Variants in TPO observed in about 807,000 individuals in gnomAD.
The protein encoded by TPO is thyroid microsomal antigen.
Under a neutral mutation model 96.9 loss-of-function variants are expected in TPO, and 78 were observed. That is an observed-to-expected ratio of 0.81 (90% CI 0.67 to 0.97). The LOEUF is 0.97. Ranked by LOEUF, TPO falls within the 50% of genes least tolerant of loss-of-function variation. The pLI is 0.00. For missense variants in TPO, 1,252 were observed against 1,274.8 expected, an observed-to-expected ratio of 0.98 and a Z score of 0.27; for synonymous variants, 547 against 538.0, an observed-to-expected ratio of 1.02 and a Z score of -0.23.
chr2:1,492,775 G>A (rs550355251), intron 10 of TPO, among the ~76,000 whole-genome samples: 5 of 152,322 alleles, frequency 3.3e-5, no homozygotes, highest in South Asian at 4.1e-4. Context: ...TGGGCAGGGC[G>A]CTGAGAGTAG....
intron 3 of TPO, among the ~76,000 whole-genome samples, chr2:1,428,154 T>C (rs1029217127): frequency 1.3e-5 from 2 of 152,216 alleles, no homozygotes; most frequent in African/African-American, 4.8e-5. Flanking sequence ...AGCCTGAAAG[T>C]GTCACCTATT....
At position 1,495,989 on chromosome 2, in the gene TPO, G is replaced by A; in HGVS notation, c.2007G>A (p.Trp669Ter). ...TTACTCACTGTCTCCTTCTCTGGAG[G>A]TTTTGGTGGGAGAACAGCCACGTCT... ...KQMKALRDGD[W>*]FWWENSHVFT... The change falls in exon 12 of 17, where the codon TGG becomes TGA. Residue 669 changes from tryptophan (W) to a stop codon, truncating the protein, a stop_gained and splice_region_variant. Coordinates refer to ENST00000329066, the MANE Select transcript of TPO (RefSeq NM_001206744.2). LOFTEE classifies it high-confidence loss of function. 6.2e-7 allele frequency: 1 copy of A among 1,612,274 alleles called. No homozygotes were observed. The highest frequency in any genetic ancestry group is 8.5e-7 in the Non-Finnish European group (1 of 1,179,902).
intron 8 of TPO, among the ~76,000 whole-genome samples, chr2:1,480,559 T>TACACACAC (rs3036105): frequency 0.065 from 2,882 of 44,308 alleles, 269 homozygotes; most frequent in Middle Eastern, 0.15. Context: ...TCAAACCCCC[T>TACACACAC]ACACACACAC....
At chr2:1,436,584 C>T (rs546425589) in intron 5 of TPO, among the ~76,000 whole-genome samples, 200 bp downstream of exon 5, 1 of 152,316 alleles carries the variant, frequency 6.6e-6, no homozygotes, top group South Asian at 2.1e-4. Context: ...TACTGTCATT[C>T]CCAGCCACAA....
At chr2:1,450,402 A>G (rs1354172376) in intron 5 of TPO, among the ~76,000 whole-genome samples, 2 of 151,966 alleles carry the variant, frequency 1.3e-5, no homozygotes, top group Non-Finnish European at 2.9e-5. Flanking sequence ...GGGAAATCAG[A>G]GTGACTCGGA....
chr2:1,536,845 CCCGCCACTGTGTTCAACCTCCCCGAATA>C (rs2125313156), intron 15 of TPO, among the ~76,000 whole-genome samples: 1 of 135,382 alleles, frequency 7.4e-6, no homozygotes, highest in Non-Finnish European at 1.6e-5. Context: ...CTCCCCAAAT[CCCGCCACTGTGTTCAACCTCCCCGAATA>C]CCCACCACTC....
At chr2:1,516,275 G>A (rs552950861) in intron 14 of TPO, among the ~76,000 whole-genome samples, 5 of 152,262 alleles carry the variant, frequency 3.3e-5, no homozygotes, top group African/African-American at 1.2e-4. Flanking sequence ...AACCTTGTTC[G>A]GTTTCTTTCT....
intron 7 of TPO, among the ~76,000 whole-genome samples, chr2:1,465,454 A>C (rs534819406): frequency 6.6e-6 from 1 of 152,074 alleles, no homozygotes; most frequent in East Asian, 1.9e-4. Context: ...TGGTATTTTG[A>C]TGGGAATTGT....
chr2:1,453,609 T>G, intron 5 of TPO, 85 bp from the exon 6 acceptor site: 15 of 1,605,344 alleles, frequency 9.3e-6, no homozygotes, highest in East Asian at 2.2e-5. Context: ...TTATTCTCCC[T>G]GAGAATGGTG....
chr2:1,385,433 C>T (rs886745190), intron 1 of TPO, among the ~76,000 whole-genome samples: 11 of 152,064 alleles, frequency 7.2e-5, no homozygotes, highest in Admixed American at 6.6e-4. Flanking sequence ...CTGGTTTAGT[C>T]TTGGGAGAAT....
intron 7 of TPO, among the ~76,000 whole-genome samples, chr2:1,463,269 G>C (rs1558316356): frequency 6.6e-6 from 1 of 152,152 alleles, no homozygotes; most frequent in Non-Finnish European, 1.5e-5. Flanking sequence ...TTCAGTAGTT[G>C]AGTGATTGAG....
chr2:1,503,233 G>A (rs1294250804), intron 13 of TPO, among the ~76,000 whole-genome samples: 1 of 152,210 alleles, frequency 6.6e-6, no homozygotes, highest in African/African-American at 2.4e-5. Context: ...GCTGCACCCA[G>A]GCCAGCTCTG....
At chr2:1,481,693 G>T (rs1278108846) in intron 8 of TPO, among the ~76,000 whole-genome samples, 1 of 152,212 alleles carries the variant, frequency 6.6e-6, no homozygotes, top group Non-Finnish European at 1.5e-5. Context: ...AGGAGCAGAT[G>T]GATAAAGTCA....
At chr2:1,496,911 G>GGGAGAGCCCTT in intron 13 of TPO, 146 bp downstream of exon 13, 1 of 1,275,958 alleles carries the variant, frequency 7.8e-7, no homozygotes, top group Non-Finnish European at 1.1e-6. Context: ...AGAAAGCAAG[G>GGGAGAGCCCTT]GCTCTCCCCT....
intron 1 of TPO, among the ~76,000 whole-genome samples, chr2:1,396,799 TG>T (rs1662088585): frequency 6.6e-6 from 1 of 152,148 alleles, no homozygotes; most frequent in Non-Finnish European, 1.5e-5. Flanking sequence ...AAGCTATGTG[TG>T]GGCAAATGAA....
rs1558264212 is a variant in TPO, at chr2:1,422,334, T to TGGACTGAC, written c.95-711_95-710insGGACTGAC. On this transcript the variant is annotated intron_variant, in intron 2 of 16. Coordinates refer to ENST00000329066, the MANE Select transcript of TPO (RefSeq NM_001206744.2). ...CCTGGACAGACCTCGTGCAGGCGCC[T>TGGACTGAC]CTCCTGGACCGACCTCGTGCAGGCG... Among the ~76,000 whole-genome samples, 276 of 63,806 alleles carry TGGACTGAC rather than the reference T, an allele frequency of 4.3e-3. 5 individuals carry two copies. The highest frequency in any genetic ancestry group is 0.012 in the African/African-American group (226 of 18,928). 41.9% of individuals were successfully genotyped at this position (63,806 alleles called of 152,430 possible).
At chr2:1,443,598 ATTG>A (rs1394015032) in intron 5 of TPO, among the ~76,000 whole-genome samples, 26 of 141,024 alleles carry the variant, frequency 1.8e-4, no homozygotes, top group Middle Eastern at 4.2e-3. Flanking sequence ...TGATCCAGTC[ATTG>A]CTGCAGGAGG....
At chr2:1,481,082 C>G (rs1172875714) in intron 8 of TPO, among the ~76,000 whole-genome samples, 2 of 152,108 alleles carry the variant, frequency 1.3e-5, no homozygotes, top group African/African-American at 4.8e-5. Flanking sequence ...TAAAGTTGCT[C>G]TTGCTGGCTT....
At chr2:1,400,965 C>G (rs956144215) in intron 1 of TPO, among the ~76,000 whole-genome samples, 1 of 152,196 alleles carries the variant, frequency 6.6e-6, no homozygotes, top group Non-Finnish European at 1.5e-5. Context: ...AAGCCTTCCT[C>G]GTGGCCTGAA....
Sources: gnomAD v4.1 joint callset for allele counts (sites outside exome capture counted in the v4.1 genomes callset) on GRCh38, gnomAD v4.1.1 for gene constraint, MANE v1.5 for transcripts, NCBI Gene and HGNC (gene_info 2026-07-23, HGNC 2026-07-21) for gene names.